The following TMEM135 variants were observed in gnomAD, a reference collection of about 807,000 sequenced individuals.
The protein encoded by TMEM135 is peroxisomal membrane protein 52.
A neutral mutation model predicts 60.3 loss-of-function variants in TMEM135; 30 were observed. The observed-to-expected ratio is 0.50, with a 90% CI of 0.37 to 0.68. TMEM135 has a LOEUF of 0.68. Among genes scored for constraint, TMEM135 ranks in the 30% least tolerant of loss-of-function variants. TMEM135 has a pLI of 0.00. For synonymous variants in TMEM135, 190 were observed against 186.7 expected (o/e 1.02, Z -0.14); for missense variants, 468 against 548.8 (o/e 0.85, Z 1.47).
At chr11:87,258,761 T>TA (rs56351840) in intron 6 of TMEM135, 144,735 of 441,428 alleles carry the variant, frequency 0.33, 22,649 homozygotes, top group Non-Finnish European at 0.38. Flanking sequence ...GTGCCAAAGT[T>TA]AAAAAAAAAT....
At chr11:87,246,903 G>C (rs567814688) in intron 6 of TMEM135, among the ~76,000 whole-genome samples, 1 of 128,582 alleles carries the variant, frequency 7.8e-6, no homozygotes, top group South Asian at 2.7e-4. Flanking sequence ...GAGGAGCTGC[G>C]TTCCTTTGGA....
chr11:87,205,474 G>A (rs1185497807), intron 5 of TMEM135, among the ~76,000 whole-genome samples: 4 of 152,238 alleles, frequency 2.6e-5, no homozygotes, highest in East Asian at 3.9e-4. Flanking sequence ...AGATATTGAT[G>A]GATAATGTAT....
chr11:87,237,050 C>T (rs1941013443), intron 6 of TMEM135, among the ~76,000 whole-genome samples: 1 of 151,910 alleles, frequency 6.6e-6, no homozygotes, highest in African/African-American at 2.4e-5. Flanking sequence ...CAACATTTTA[C>T]ATTTGGATAA....
chr11:87,117,809 G>C (rs1327748428), intron 4 of TMEM135, among the ~76,000 whole-genome samples: 1 of 152,124 alleles, frequency 6.6e-6, no homozygotes, highest in Non-Finnish European at 1.5e-5. Context: ...GTCCTTAATG[G>C]CATGTAGAAT....
At chr11:87,292,187 A>G (rs1942277436) in intron 6 of TMEM135, among the ~76,000 whole-genome samples, 1 of 152,240 alleles carries the variant, frequency 6.6e-6, no homozygotes, top group Non-Finnish European at 1.5e-5. Context: ...GTGTAAAGTA[A>G]TGAAGCCTGA....
At chr11:87,070,495 G>A (rs922839789) in intron 2 of TMEM135, among the ~76,000 whole-genome samples, 2 of 152,088 alleles carry the variant, frequency 1.3e-5, no homozygotes, top group Non-Finnish European at 2.9e-5. Context: ...TTAGCCGGGC[G>A]TGGTGGCAAG....
intron 5 of TMEM135, among the ~76,000 whole-genome samples, chr11:87,158,513 G>A (rs919308580): frequency 6.0e-5 from 9 of 150,218 alleles, no homozygotes; most frequent in Non-Finnish European, 1.3e-4. Context: ...CCAGGCTGGA[G>A]TGCAGTGTCA....
At position 87,275,961 on chromosome 11, in the gene TMEM135, C is replaced by T. The variant is rs180726580; in HGVS notation, c.510-19821C>T. On this transcript the variant is annotated intron_variant, in intron 6 of 14. Coordinates refer to ENST00000305494, the MANE Select transcript of TMEM135 (RefSeq NM_022918.4). ...ACAGGCATGAGCCACCGCGCCTGGC[C>T]GCTAGTGTGGATTTTAACATTGTCC... 1.4e-3 allele frequency among the ~76,000 whole-genome samples: 220 copies of T among 152,236 alleles called. 1 individual carries two copies. Among genetic ancestry groups the T allele is most frequent in the African/African-American group, 4.9e-3 (202 of 41,516 alleles).
intron 4 of TMEM135, among the ~76,000 whole-genome samples, chr11:87,120,107 C>CTT (rs1565449165): frequency 2.4e-5 from 2 of 84,948 alleles, no homozygotes; most frequent in East Asian, 6.9e-4. Context: ...CTGTTTTTTT[C>CTT]TTCTTCTTCT....
At chr11:87,276,238 A>G (rs1941963775) in intron 6 of TMEM135, among the ~76,000 whole-genome samples, 1 of 152,038 alleles carries the variant, frequency 6.6e-6, no homozygotes, top group South Asian at 2.1e-4. Context: ...ATTGTTCTTG[A>G]TCATTTTCTC....
rs569240683 is a variant in TMEM135, at chr11:87,280,184, C to A, written c.510-15598C>A. On this transcript the variant is annotated intron_variant, in intron 6 of 14. Transcript: ENST00000305494. ...AGATGGCATTAATATCAGTTGCTTT[C>A]AAAAATTCAGCGTGTAGGCTGTCAT... 1.2e-3 allele frequency among the ~76,000 whole-genome samples: 190 copies of A among 152,188 alleles called. 1 individual carries two copies. Among genetic ancestry groups the A allele is most frequent in the African/African-American group, 4.4e-3 (184 of 41,520 alleles).
At chr11:87,075,252 G>A (rs1306222574) in intron 3 of TMEM135, among the ~76,000 whole-genome samples, 1 of 151,538 alleles carries the variant, frequency 6.6e-6, no homozygotes, top group Non-Finnish European at 1.5e-5. Flanking sequence ...TCCGCCTCCC[G>A]GGTTCACGCC....
At chr11:87,284,539 G>T (rs1427998525) in intron 6 of TMEM135, among the ~76,000 whole-genome samples, 2 of 152,208 alleles carry the variant, frequency 1.3e-5, no homozygotes, top group Non-Finnish European at 2.9e-5. Context: ...TGGGGACTTA[G>T]AATCTCACTT....
chr11:87,183,839 C>T (rs376762823), intron 5 of TMEM135, among the ~76,000 whole-genome samples: 54 of 151,512 alleles, frequency 3.6e-4, no homozygotes, highest in African/African-American at 1.2e-3. Flanking sequence ...GCCTGTAATC[C>T]CAGCTAGTTG....
intron 3 of TMEM135, among the ~76,000 whole-genome samples, chr11:87,074,037 T>C (rs2513234): frequency 0.64 from 97,822 of 151,838 alleles, 32,678 homozygotes; most frequent in East Asian, 0.88. Flanking sequence ...TTGATTTTGG[T>C]TCACTGCAAC....
chr11:87,061,256 C>T (rs1949944183), intron 1 of TMEM135, among the ~76,000 whole-genome samples: 1 of 152,040 alleles, frequency 6.6e-6, no homozygotes. Flanking sequence ...GGGGCACAAT[C>T]TTACCTCCTA....
At chr11:87,169,515 A>G (rs911662175) in intron 5 of TMEM135, among the ~76,000 whole-genome samples, 3 of 151,772 alleles carry the variant, frequency 2.0e-5, no homozygotes, top group Non-Finnish European at 4.4e-5. Flanking sequence ...AAAATCTCTT[A>G]GCATTTGCTT....
intron 6 of TMEM135, among the ~76,000 whole-genome samples, chr11:87,256,354 A>G (rs979425709): frequency 6.6e-6 from 1 of 152,242 alleles, no homozygotes; most frequent in Non-Finnish European, 1.5e-5. Flanking sequence ...ATTTGGAATA[A>G]GATATAATTT....
intron 7 of TMEM135, among the ~76,000 whole-genome samples, chr11:87,297,716 A>G (rs900885160): frequency 1.3e-5 from 2 of 152,230 alleles, no homozygotes; most frequent in Non-Finnish European, 2.9e-5. Flanking sequence ...ATTATAGAAA[A>G]ATATTCCAGA....
Sources: allele counts gnomAD v4.1 joint callset (sites outside exome capture counted in the v4.1 genomes callset), GRCh38; gene constraint gnomAD v4.1.1; transcripts MANE v1.5; gene names NCBI Gene and HGNC (gene_info 2026-07-23, HGNC 2026-07-21).